The following UGT2A2 variants were observed in gnomAD, a reference collection of about 807,000 sequenced individuals.
The protein encoded by UGT2A2 is UDP glucuronosyltransferase family 2 member A2.
Under a neutral mutation model 50.7 loss-of-function variants are expected in UGT2A2, and 60 were observed. The ratio of observed to expected loss-of-function variants is 1.18; its 90% confidence interval spans 0.96 to 1.47. The LOEUF is 1.47. Among genes scored for constraint, UGT2A2 ranks in the 40% most tolerant of loss-of-function variants. The pLI is 0.00. For synonymous variants in UGT2A2, 242 were observed against 214.6 expected (o/e 1.13, Z -1.11); for missense variants, 762 against 634.0 (o/e 1.20, Z -2.17).
At chr4:69,592,643 T>C (rs961254781) in intron 5 of UGT2A2, among the ~76,000 whole-genome samples, 1 of 152,108 alleles carries the variant, frequency 6.6e-6, no homozygotes, top group Non-Finnish European at 1.5e-5. Flanking sequence ...TGTGAACTAT[T>C]GGAGGCAATC....
chr4:69,638,242 G>A (rs866137309), intron 1 of UGT2A2, among the ~76,000 whole-genome samples: 1 of 152,062 alleles, frequency 6.6e-6, no homozygotes, highest in African/African-American at 2.4e-5. Flanking sequence ...AAATATAAAG[G>A]GAGGCTCATA....
At chr4:69,603,974 C>A (rs1219483989) in intron 1 of UGT2A2, among the ~76,000 whole-genome samples, 2 of 136,392 alleles carry the variant, frequency 1.5e-5, no homozygotes, top group East Asian at 2.1e-4. Context: ...GAGAATGGAA[C>A]CAAGTTGGAA....
chr4:69,629,309 C>T (rs1560487708), intron 1 of UGT2A2, among the ~76,000 whole-genome samples: 1 of 151,962 alleles, frequency 6.6e-6, no homozygotes, highest in Non-Finnish European at 1.5e-5. Flanking sequence ...CTTTGCAGGT[C>T]TGGATTTCTC....
chr4:69,634,669 A>G (rs188509033), intron 1 of UGT2A2, among the ~76,000 whole-genome samples: 4 of 152,304 alleles, frequency 2.6e-5, no homozygotes, highest in Non-Finnish European at 4.4e-5. Context: ...GAAGAATAAT[A>G]TAATAATTTG....
rs1355304779 is a variant in UGT2A2 at position 69,604,031 on chromosome 4, G to T, written c.743-4637C>A. On this transcript the variant is annotated intron_variant, in intron 1 of 5. Transcript: ENST00000604629. Reference sequence around the variant, plus strand: ...CAGTAGAACCTCCCCAGTCTAGCAAGGAAGGCCAACGTTCAAACTCAGGAA... The same window carrying T: ...CAGTAGAACCTCCCCAGTCTAGCAATGAAGGCCAACGTTCAAACTCAGGAA... Among the ~76,000 whole-genome samples, 5 of 136,564 alleles carry T rather than the reference G, an allele frequency of 3.7e-5. 1 individual carries two copies. Among genetic ancestry groups the T allele is most frequent in the Admixed American group, 1.4e-4 (2 of 13,812 alleles). 89.6% of individuals were successfully genotyped at this position (136,564 alleles called of 152,430 possible). A position where few individuals can be genotyped will look rare whatever the true frequency, so the allele number is the denominator to read the frequency against.
intron 1 of UGT2A2, among the ~76,000 whole-genome samples, chr4:69,618,464 C>A (rs1353608844): frequency 3.3e-5 from 5 of 151,832 alleles, no homozygotes; most frequent in Admixed American, 2.0e-4. Flanking sequence ...ACATTTCTAA[C>A]TTTGTTTATT....
rs1412061278 is a variant in UGT2A2 at position 69,589,603 on chromosome 4, A to G, written c.1380T>C (p.Pro460=). 5.0e-6 allele frequency: 8 copies of G among 1,613,978 alleles called. No individual in the cohort carries two copies. The highest frequency in any genetic ancestry group is 1.1e-5 in the South Asian group (1 of 91,078). ...AGACTGCTCGATCCAGGGGCTTTAC[A>G]GGTTGATCATGGTGAATTCTTGATA... ...MRLSRIHHDQ[P]VKPLDRAVFW... Residue 460 remains proline, a synonymous_variant, in exon 6 of 6, where the codon CCT becomes CCC. Transcript: ENST00000604629.
In UGT2A2 at chr4:69,639,012, G is replaced by A. The variant is rs1470065728; in HGVS notation, c.629C>T (p.Thr210Ile). The change falls in exon 1 of 6, where the codon ACT becomes ATT. Residue 210 changes from threonine (T) to isoleucine (I), a missense_variant. By Grantham distance (89) the Thr-to-Ile change is moderately conservative (BLOSUM62 -1). Transcript: ENST00000604629. ...SYVPAALSEL[T>I]DQMTFGERIK... is the part of the protein sequence containing the mutation. ...CCTTTCACCAAAGGTCATCTGGTCA[G>A]TGAGCTCTGATAAGGCTGCCGGTAC... is the stretch of plus-strand genomic sequence containing the variant. 1 of 1,613,290 alleles carries A rather than the reference G, an allele frequency of 6.2e-7. No homozygotes were observed. The highest frequency in any genetic ancestry group is 1.1e-5 in the South Asian group (1 of 90,982).
intron 1 of UGT2A2, among the ~76,000 whole-genome samples, chr4:69,603,052 G>A (rs1414178029): frequency 7.4e-6 from 1 of 135,266 alleles, no homozygotes; most frequent in Non-Finnish European, 1.6e-5. Flanking sequence ...GGGTGACAGA[G>A]AGAGACTCCA....
At chr4:69,610,068 T>C (rs776053505) in intron 1 of UGT2A2, among the ~76,000 whole-genome samples, 13 of 152,180 alleles carry the variant, frequency 8.5e-5, no homozygotes, top group Non-Finnish European at 1.5e-4. Flanking sequence ...TGGTTTCCAT[T>C]GGAAGAATCA....
In UGT2A2 at chr4:69,604,683, G is replaced by A. The variant is rs958505508; in HGVS notation, c.743-5289C>T. On this transcript the variant is annotated intron_variant, in intron 1 of 5. Transcript: ENST00000604629. ...GCTGTATTCAGGAAACCCATCTCAC[G>A]TGAAGAGACACACATAGGCTCAAAA... Among the ~76,000 whole-genome samples the A allele has an allele frequency of 1.2e-4, 16 of 136,588 alleles. 4 individuals are homozygous for A. Among genetic ancestry groups the A allele is most frequent in the African/African-American group, 3.0e-4 (10 of 33,636 alleles). The allele number at this position is 136,588 out of a possible 152,430, so 89.6% of individuals were successfully genotyped here.
chr4:69,596,109 T>C, intron 3 of UGT2A2, 141 bp downstream of exon 3: 2 of 1,222,166 alleles, frequency 1.6e-6, no homozygotes, highest in Non-Finnish European at 2.1e-6. Flanking sequence ...TTTTAATATA[T>C]TACACAACGT....
chr4:69,633,729 G>C (rs886762880), intron 1 of UGT2A2, among the ~76,000 whole-genome samples: 1 of 152,076 alleles, frequency 6.6e-6, no homozygotes, highest in Non-Finnish European at 1.5e-5. Flanking sequence ...ACTATATAAC[G>C]TTTAAAGTCA....
chr4:69,589,299 TG>T lies in UGT2A2; in HGVS notation c.*72del. On this transcript the variant is annotated 3_prime_UTR_variant, in exon 6 of 6. Coordinates refer to ENST00000604629, the MANE Select transcript of UGT2A2 (RefSeq NM_001105677.2). ...GTGTTTTTGTTAAACTCCTTTTGTC[TG>T]GAATTAATAGGACTACACTACTCAG... The T allele has an allele frequency of 1.4e-6, 2 of 1,426,318 alleles. No homozygotes were observed. The highest frequency in any genetic ancestry group is 3.3e-5 in the South Asian group (2 of 59,910). The allele number at this position is 1,426,318 out of a possible 1,614,324, so 88.4% of individuals were successfully genotyped here.
chr4:69,610,162 T>C (rs560728219), intron 1 of UGT2A2, among the ~76,000 whole-genome samples: 4 of 152,260 alleles, frequency 2.6e-5, no homozygotes, highest in African/African-American at 9.6e-5. Context: ...TACATGCATA[T>C]TTTAAAAGAT....
intron 1 of UGT2A2, among the ~76,000 whole-genome samples, chr4:69,608,504 G>A (rs1283637905): frequency 6.6e-6 from 1 of 151,536 alleles, no homozygotes; most frequent in Admixed American, 6.6e-5. Flanking sequence ...ACACCAACCT[G>A]GCACATGTAT....
In UGT2A2 at chr4:69,624,618, C is replaced by CT. The variant is rs1314468593; in HGVS notation, c.742+14280dup. Among the ~76,000 whole-genome samples, 10 of 150,454 alleles carry CT rather than the reference C, an allele frequency of 6.6e-5. No individual in the cohort carries two copies. The South Asian group carries it at 8.4e-4, about 13-fold the overall frequency. On this transcript the variant is annotated intron_variant, in intron 1 of 5. Transcript: ENST00000604629. ...GATTTTTTTTAGCTTATTAAATATT[C>CT]TTTTTTTGCTCTACCTTTGTTGTGG...
Position 69,605,668 on chromosome 4 carries a change from A to T in UGT2A2, c.743-6274T>A. Among the ~76,000 whole-genome samples the T allele has an allele frequency of 1.5e-5, 2 of 136,738 alleles. 1 individual carries two copies. The highest frequency in any genetic ancestry group is 3.1e-5 in the Non-Finnish European group (2 of 64,332). The allele number at this position is 136,738 out of a possible 152,430, so 89.7% of individuals were successfully genotyped here. On this transcript the variant is annotated intron_variant, in intron 1 of 5. Coordinates refer to ENST00000604629, the MANE Select transcript of UGT2A2 (RefSeq NM_001105677.2). Reference sequence around the variant, plus strand: ...TTGAAAAGATCAACCAAACTGATAGACCACTAGCAAGACTAATAAAGAAGA... The same window carrying T: ...TTGAAAAGATCAACCAAACTGATAGTCCACTAGCAAGACTAATAAAGAAGA...
rs4148322 is a variant in UGT2A2, at chr4:69,589,691, GT to G, written c.1332-41del. The G allele has an allele frequency of 6.4e-5, 100 of 1,559,752 alleles. No homozygotes were observed. The East Asian group carries it at 2.2e-3, about 35-fold the overall frequency. On this transcript the variant is annotated intron_variant, in intron 5 of 5. Coordinates refer to ENST00000604629, the MANE Select transcript of UGT2A2 (RefSeq NM_001105677.2). Reference sequence around the variant, plus strand: ...AATAGGCAGAAATTAGACAATTTTTGTTTTTATTTTCATTGAAGATAAATAT... The same window carrying G: ...AATAGGCAGAAATTAGACAATTTTTGTTTTATTTTCATTGAAGATAAATAT...
Sources: gnomAD v4.1 joint callset for allele counts (sites outside exome capture counted in the v4.1 genomes callset) on GRCh38, gnomAD v4.1.1 for gene constraint, MANE v1.5 for transcripts, NCBI Gene and HGNC (gene_info 2026-07-23, HGNC 2026-07-21) for gene names.